The following PSTPIP2 variants were observed in gnomAD, a reference collection of about 807,000 sequenced individuals.
The protein encoded by PSTPIP2 is proline-serine-threonine phosphatase-interacting protein 2.
Under a neutral mutation model 63.3 loss-of-function variants are expected in PSTPIP2, and 33 were observed. The observed-to-expected ratio is 0.52, with a 90% CI of 0.40 to 0.70. The LOEUF is 0.70. Ranked by LOEUF, PSTPIP2 falls within the 30% of genes least tolerant of loss-of-function variation. The pLI is 0.00. For synonymous variants in PSTPIP2, 125 were observed against 132.7 expected (o/e 0.94, Z 0.40); for missense variants, 312 against 400.7 (o/e 0.78, Z 1.89).
chr18:46,006,360 CTTTTTTTT>C (rs756384731), intron 5 of PSTPIP2, among the ~76,000 whole-genome samples: 5,674 of 115,588 alleles, frequency 0.049, 475 homozygotes, highest in African/African-American at 0.095. Context: ...AGCCCTGGTA[CTTTTTTTT>C]TTTTTTTTTT....
At chr18:45,993,821 T>G in intron 9 of PSTPIP2, 118 bp from the exon 10 acceptor site, 1 of 829,724 alleles carries the variant, frequency 1.2e-6, no homozygotes, top group Non-Finnish European at 2.0e-6. Flanking sequence ...ATTGTCCAAT[T>G]TAGAATGCTT....
intron 1 of PSTPIP2, among the ~76,000 whole-genome samples, chr18:46,068,882 T>A (rs1250553912): frequency 6.6e-6 from 1 of 151,954 alleles, no homozygotes; most frequent in Non-Finnish European, 1.5e-5. Flanking sequence ...ATGACAAGAT[T>A]CCAATCTGGT....
chr18:46,020,175 G>A (rs1372919557), intron 3 of PSTPIP2, among the ~76,000 whole-genome samples: 1 of 152,156 alleles, frequency 6.6e-6, no homozygotes, highest in Non-Finnish European at 1.5e-5. Context: ...TCTGAACCAT[G>A]GGAATGGTGG....
At chr18:46,022,981 TG>T (rs1327963056) in intron 3 of PSTPIP2, among the ~76,000 whole-genome samples, 1 of 152,050 alleles carries the variant, frequency 6.6e-6, no homozygotes, top group African/African-American at 2.4e-5. Context: ...TGGGTGGAGC[TG>T]GGGGCCATTA....
intron 10 of PSTPIP2, among the ~76,000 whole-genome samples, chr18:45,992,718 T>A (rs367643779): frequency 6.6e-6 from 1 of 151,802 alleles, no homozygotes; most frequent in African/African-American, 2.4e-5. Context: ...TTTTATTTTT[T>A]ATTTTATTAT....
rs1220614110 is a variant in PSTPIP2, at chr18:46,039,933, G to C, written c.134+14C>G. The C allele has an allele frequency of 5.0e-6, 8 of 1,594,722 alleles. No homozygotes were observed. Among genetic ancestry groups the C allele is most frequent in the Non-Finnish European group, 5.2e-6 (6 of 1,162,488 alleles). On this transcript the variant is annotated intron_variant, in intron 2 of 14. Transcript: ENST00000409746. ...TGGCCCACCCTCTTCAGAGAGGACA[G>C]AGCATCATCGTACCTTTCTTTTAGA...
At chr18:46,024,813 C>T (rs1907519608) in intron 2 of PSTPIP2, 127 bp from the exon 3 acceptor site, 1 of 701,958 alleles carries the variant, frequency 1.4e-6, no homozygotes, top group Admixed American at 2.4e-5. Context: ...ACACCATTCT[C>T]TAAAATGCAA....
chr18:46,021,191 C>T (rs1451720858), intron 3 of PSTPIP2, among the ~76,000 whole-genome samples: 1 of 152,052 alleles, frequency 6.6e-6, no homozygotes, highest in East Asian at 1.9e-4. Flanking sequence ...AAAAATAAAA[C>T]TAAGTCAAAC....
intron 3 of PSTPIP2, among the ~76,000 whole-genome samples, chr18:46,024,138 C>CT (rs1393717743): frequency 2.7e-5 from 4 of 150,776 alleles, no homozygotes; most frequent in East Asian, 1.9e-4. Context: ...ATGCAAGGAT[C>CT]TTTTTTTTTA....
chr18:46,026,782 G>T (rs1182593166), intron 2 of PSTPIP2, among the ~76,000 whole-genome samples: 1 of 152,166 alleles, frequency 6.6e-6, no homozygotes, highest in Non-Finnish European at 1.5e-5. Flanking sequence ...AGCTACTGGG[G>T]GAGGATGGGG....
chr18:46,024,571 T>C (rs769470012), intron 3 of PSTPIP2, 38 bp downstream of exon 3: 1 of 1,560,738 alleles, frequency 6.4e-7, no homozygotes, highest in Non-Finnish European at 8.8e-7. Context: ...CAGGCATTAT[T>C]AACCAACCTG....
At chr18:46,033,684 T>G in intron 2 of PSTPIP2, among the ~76,000 whole-genome samples, 2 of 125,480 alleles carry the variant, frequency 1.6e-5, no homozygotes, top group African/African-American at 3.1e-5. Flanking sequence ...GGGGACAGAG[T>G]GAGACTCCAT....
At chr18:46,023,566 A>G (rs1907455412) in intron 3 of PSTPIP2, among the ~76,000 whole-genome samples, 1 of 152,074 alleles carries the variant, frequency 6.6e-6, no homozygotes, top group Non-Finnish European at 1.5e-5. Flanking sequence ...TCTCAAAAAG[A>G]AAAGTTTTTT....
chr18:46,010,687 A>G (rs2051785256), intron 5 of PSTPIP2: 1 of 154,590 alleles, frequency 6.5e-6, no homozygotes, highest in South Asian at 2.0e-4. Flanking sequence ...GAGCCTATGT[A>G]TAGCTGCTTT....
chr18:45,998,675 G>T, intron 8 of PSTPIP2, 119 bp downstream of exon 8: 9 of 984,650 alleles, frequency 9.1e-6, no homozygotes, highest in South Asian at 3.6e-5. Context: ...CACTAATCCT[G>T]CTGAATATCC....
rs1310418879 is a variant in PSTPIP2 at position 45,984,344 on chromosome 18, G to A, written c.*1115C>T. ...ATAGTGCACAGGTGTTGTACAAAAAGTACATGACCTCCCTGCTGTTTGTGA... is the reference window on the plus strand; with the variant it reads ...ATAGTGCACAGGTGTTGTACAAAAAATACATGACCTCCCTGCTGTTTGTGA... On this transcript the variant is annotated 3_prime_UTR_variant, in exon 15 of 15. Coordinates refer to ENST00000409746, the MANE Select transcript of PSTPIP2 (RefSeq NM_024430.4). 2 of 152,086 alleles carry A rather than the reference G, an allele frequency of 1.3e-5. No homozygotes were observed. Among genetic ancestry groups the A allele is most frequent in the African/African-American group, 4.8e-5 (2 of 41,422 alleles). The allele number at this position is 152,086 out of a possible 1,614,324, so 9.4% of individuals were successfully genotyped here.
chr18:46,056,144 T>C (rs1194845720), intron 1 of PSTPIP2, among the ~76,000 whole-genome samples: 1 of 152,216 alleles, frequency 6.6e-6, no homozygotes, highest in African/African-American at 2.4e-5. Context: ...GAATCTGTGC[T>C]GGCTTCGCTT....
intron 5 of PSTPIP2, among the ~76,000 whole-genome samples, chr18:46,007,979 G>A (rs942815043): frequency 7.2e-5 from 11 of 152,282 alleles, no homozygotes; most frequent in Admixed American, 1.3e-4. Flanking sequence ...CTGGATTTAC[G>A]TGTCCTTGTG....
At chr18:46,030,841 G>T (rs1907765250) in intron 2 of PSTPIP2, among the ~76,000 whole-genome samples, 1 of 152,192 alleles carries the variant, frequency 6.6e-6, no homozygotes, top group Admixed American at 6.5e-5. Flanking sequence ...GGCTGAACTT[G>T]TTCCACTGGC....
Sources: gnomAD v4.1 joint callset for allele counts (sites outside exome capture counted in the v4.1 genomes callset) on GRCh38, gnomAD v4.1.1 for gene constraint, MANE v1.5 for transcripts, NCBI Gene and HGNC (gene_info 2026-07-23, HGNC 2026-07-21) for gene names.